The following RBFOX1 variants were observed in gnomAD, a reference collection of about 807,000 sequenced individuals.
RBFOX1 encodes RNA binding fox-1 homolog 1.
In RBFOX1, 8 loss-of-function variants were observed where a neutral mutation model predicts 57.7. The observed-to-expected ratio is 0.14, with a 90% CI of 0.08 to 0.25. The LOEUF (loss-of-function observed/expected upper bound fraction) is 0.25. Among genes scored for constraint, RBFOX1 ranks in the 10% least tolerant of loss-of-function variants. RBFOX1 has a pLI of 1.00. For synonymous variants in RBFOX1, 326 were observed against 222.4 expected (o/e 1.47, Z -4.15); for missense variants, 611 against 548.5 (o/e 1.11, Z -1.14).
chr16:7,288,126 C>G (rs2095686854), intron 4 of RBFOX1, among the ~76,000 whole-genome samples: 2 of 152,130 alleles, frequency 1.3e-5, no homozygotes, highest in Admixed American at 1.3e-4. Context: ...TTCCATATAA[C>G]AGGGAAATCC....
intron 3 of RBFOX1, among the ~76,000 whole-genome samples, chr16:6,814,708 C>T (rs577403950): frequency 3.6e-4 from 54 of 152,096 alleles, no homozygotes; most frequent in African/African-American, 1.2e-3. Context: ...GTCTTGGAAA[C>T]CTGAGGAAGT....
At chr16:7,090,634 T>C (rs1599194056) in intron 4 of RBFOX1, among the ~76,000 whole-genome samples, 2 of 152,304 alleles carry the variant, frequency 1.3e-5, no homozygotes, top group East Asian at 3.9e-4. Flanking sequence ...TTTTGTAGTT[T>C]TCGTTGTATT....
upstream of RBFOX1, among the ~76,000 whole-genome samples, chr16:6,015,936 G>T (rs1465098400): frequency 1.3e-5 from 2 of 152,208 alleles, no homozygotes; most frequent in East Asian, 3.8e-4. Flanking sequence ...GTTTACATGG[G>T]GGACTAGCCT....
intron 4 of RBFOX1, among the ~76,000 whole-genome samples, chr16:5,968,609 C>G (rs921628476): frequency 6.6e-6 from 1 of 152,038 alleles, no homozygotes; most frequent in Non-Finnish European, 1.5e-5. Flanking sequence ...TGTTCTTTTG[C>G]CAAGATGCCT....
intron 1 of RBFOX1, among the ~76,000 whole-genome samples, chr16:5,272,114 C>T (rs2063026119): frequency 6.6e-6 from 1 of 152,008 alleles, no homozygotes; most frequent in African/African-American, 2.4e-5. Flanking sequence ...TGGTCTGTAC[C>T]CAGAAGTTGG....
chr16:5,752,532 G>A (rs113792112), intron 3 of RBFOX1, among the ~76,000 whole-genome samples: 155 of 152,288 alleles, frequency 1.0e-3, no homozygotes, highest in African/African-American at 3.5e-3. Context: ...TGTTTACTGT[G>A]ATACTGTGCT....
intron 1 of RBFOX1, among the ~76,000 whole-genome samples, chr16:6,180,949 G>T (rs1315123216): frequency 6.6e-6 from 1 of 152,178 alleles, no homozygotes; most frequent in Non-Finnish European, 1.5e-5. Flanking sequence ...CTAAGATTGT[G>T]TTCAGACACC....
chr16:7,485,376 A>T (rs2065114620), intron 4 of RBFOX1, among the ~76,000 whole-genome samples: 1 of 152,198 alleles, frequency 6.6e-6, no homozygotes, highest in Non-Finnish European at 1.5e-5. Context: ...CATCCTCTGC[A>T]GTTTACCTTG....
chr16:7,709,399 T>C (rs1326088292), intron 15 of RBFOX1: 2 of 1,265,542 alleles, frequency 1.6e-6, no homozygotes, highest in South Asian at 3.4e-5. Flanking sequence ...TAATTAGTCA[T>C]TTTGATAATT....
chr16:5,499,760 A>G (rs1319180592), intron 2 of RBFOX1, among the ~76,000 whole-genome samples: 1 of 151,990 alleles, frequency 6.6e-6, no homozygotes, highest in African/African-American at 2.4e-5. Context: ...GTTAGTAGAA[A>G]GGGGGTTTCA....
intron 4 of RBFOX1, among the ~76,000 whole-genome samples, chr16:5,895,307 A>G (rs1276637283): frequency 6.6e-6 from 1 of 152,226 alleles, no homozygotes; most frequent in Non-Finnish European, 1.5e-5. Context: ...TAGAACTTGT[A>G]GAAAATCCCA....
chr16:7,643,204 T>C (rs1327707843), intron 11 of RBFOX1, among the ~76,000 whole-genome samples: 1 of 152,158 alleles, frequency 6.6e-6, no homozygotes, highest in East Asian at 1.9e-4. Flanking sequence ...GTGTGAATGG[T>C]GTGTGTGTCT....
chr16:6,294,640 A>G (rs1415999139), intron 1 of RBFOX1, among the ~76,000 whole-genome samples: 1 of 152,202 alleles, frequency 6.6e-6, no homozygotes, highest in Admixed American at 6.5e-5. Context: ...TATAGAGTCT[A>G]CTAAAGTAAC....
At chr16:7,041,787 C>G (rs1328353878) in intron 3 of RBFOX1, among the ~76,000 whole-genome samples, 1 of 152,166 alleles carries the variant, frequency 6.6e-6, no homozygotes, top group Admixed American at 6.5e-5. Flanking sequence ...TTGTGAAAAC[C>G]TCCTGTGTCA....
intron 3 of RBFOX1, among the ~76,000 whole-genome samples, chr16:6,659,990 G>A (rs1320968400): frequency 6.6e-6 from 1 of 152,088 alleles, no homozygotes; most frequent in Non-Finnish European, 1.5e-5. Flanking sequence ...CAGCACTTTT[G>A]GAGGGTGAGG....
intron 3 of RBFOX1, among the ~76,000 whole-genome samples, chr16:6,987,696 A>C (rs1027661470): frequency 6.6e-6 from 1 of 152,204 alleles, no homozygotes. Flanking sequence ...TGAACTTGGA[A>C]ATAGAAACTC....
Position 6,151,305 on chromosome 16 carries a change from A to G in RBFOX1, c.-127+131313A>G, listed in dbSNP as rs144355672. On this transcript the variant is annotated intron_variant, in intron 1 of 15. Transcript: ENST00000550418. ...ATTAGTTGTTTTTTTTCTTTTTTTG[A>G]GACGGAGTCTCACTCTGTCACCCAG... Among the ~76,000 whole-genome samples the G allele has an allele frequency of 7.8e-4, 118 of 152,074 alleles. 1 individual carries two copies. In the East Asian group the frequency reaches 0.021, roughly 27 times the overall value.
At chr16:5,334,905 G>A (rs928829482) in intron 1 of RBFOX1, among the ~76,000 whole-genome samples, 9 of 151,978 alleles carry the variant, frequency 5.9e-5, no homozygotes, top group African/African-American at 2.2e-4. Flanking sequence ...TTATCAGTGA[G>A]GCTGTAATGA....
intron 4 of RBFOX1, among the ~76,000 whole-genome samples, chr16:7,468,244 G>T (rs552625518): frequency 3.9e-5 from 6 of 152,108 alleles, no homozygotes; most frequent in Non-Finnish European, 1.5e-5. Flanking sequence ...ATACCCGCCC[G>T]ACCTTTACCA....
Sources: gnomAD v4.1 joint callset for allele counts (sites outside exome capture counted in the v4.1 genomes callset) on GRCh38, gnomAD v4.1.1 for gene constraint, MANE v1.5 for transcripts, NCBI Gene and HGNC (gene_info 2026-07-23, HGNC 2026-07-21) for gene names.